Variants in TEK observed in about 807,000 individuals in gnomAD.
TEK encodes TEK receptor tyrosine kinase, also known as angiopoietin-1 receptor.
TEK carries 43 observed loss-of-function variants against 131.8 expected under a neutral mutation model. That is an observed-to-expected ratio of 0.33 (90% confidence interval 0.26 to 0.42). The LOEUF (loss-of-function observed/expected upper bound fraction) is 0.42, where lower values mean the gene tolerates loss of function less well. Ranked by LOEUF, TEK falls within the 10% of genes least tolerant of loss-of-function variation. The pLI is 1.00. For missense variants in TEK, 1,162 were observed against 1,384.4 expected, an observed-to-expected ratio of 0.84 and a Z score of 2.55; for synonymous variants, 580 against 491.6, an observed-to-expected ratio of 1.18 and a Z score of -2.38.
At chr9:27,159,074 T>G (rs556997313) in intron 2 of TEK, among the ~76,000 whole-genome samples, 164 of 152,320 alleles carry the variant, frequency 1.1e-3, no homozygotes, top group African/African-American at 3.8e-3. Flanking sequence ...GTTGATTAGA[T>G]GGATGTATTG....
At chr9:27,223,067 GCTAA>G (rs529177263) in intron 21 of TEK, among the ~76,000 whole-genome samples, 13 of 152,222 alleles carry the variant, frequency 8.5e-5, no homozygotes, top group East Asian at 1.9e-4. Flanking sequence ...ACCAAGAACA[GCTAA>G]CTAACTATCT....
intron 13 of TEK, among the ~76,000 whole-genome samples, chr9:27,203,658 A>G (rs931801807): frequency 9.9e-5 from 15 of 152,174 alleles, no homozygotes; most frequent in African/African-American, 3.6e-4. Context: ...TGTGATTGAT[A>G]AAGTCTGTTG....
chr9:27,215,127 G>C (rs762262727), intron 18 of TEK, among the ~76,000 whole-genome samples: 1 of 152,128 alleles, frequency 6.6e-6, no homozygotes, highest in African/African-American at 2.4e-5. Context: ...CATTCTATTT[G>C]GATGCTCTCC....
At chr9:27,133,316 A>G (rs558754640) in intron 1 of TEK, among the ~76,000 whole-genome samples, 1 of 152,308 alleles carries the variant, frequency 6.6e-6, no homozygotes, top group South Asian at 2.1e-4. Context: ...AATAGTTGGA[A>G]AGGTCTAAGA....
At chr9:27,214,643 A>C (rs889573093) in intron 18 of TEK, among the ~76,000 whole-genome samples, 2 of 152,160 alleles carry the variant, frequency 1.3e-5, no homozygotes, top group African/African-American at 2.4e-5. Context: ...CCACCTTGGC[A>C]TATATATTTT....
At position 27,185,621 on chromosome 9, in the gene TEK, C is replaced by A. The variant is rs1217204389; in HGVS notation, c.1319C>A (p.Ser440Tyr). The stretch of plus-strand genomic sequence containing the variant: ...ATGGTGGAAAAGCCCTTCAACATTT[C>A]TGTTAAAGGTAAGTTCATTTCCCAG... ...AGMVEKPFNISVKVLPKPLNA... is the reference protein window; with the variant it reads ...AGMVEKPFNIYVKVLPKPLNA... Residue 440 changes from serine to tyrosine, a missense_variant, in exon 9 of 23, where the codon TCT (serine) becomes TAT (tyrosine). Physicochemically the swap from Ser to Tyr is moderately radical, Grantham distance 144 (BLOSUM62 -2). This residue lies in a region of TEK where 477 missense variants were observed against 471.0 expected (regional missense o/e 1.01). Coordinates refer to ENST00000380036, the MANE Select transcript of TEK (RefSeq NM_000459.5). The A allele has an allele frequency of 6.2e-7, 1 of 1,613,608 alleles. No individual in the cohort carries two copies.
chr9:27,229,529 A>G lies in TEK; in HGVS notation c.*297A>G, dbSNP rs1587066676. 2.3e-6 allele frequency: 1 copy of G among 430,886 alleles called. No individual in the cohort carries two copies. Among genetic ancestry groups the G allele is most frequent in the East Asian group, 4.6e-5 (1 of 21,634 alleles). The allele number at this position is 430,886 out of a possible 1,614,324, so 26.7% of individuals were successfully genotyped here. ...GACTTCATAGGAAGGCGTGAGTACA[A>G]TTAGTATAATGCATAACTCATTGTT... On this transcript the variant is annotated 3_prime_UTR_variant, in exon 23 of 23. Transcript: ENST00000380036.
At chr9:27,167,871 TC>T (rs199511744) in intron 2 of TEK, among the ~76,000 whole-genome samples, 1,642 of 151,864 alleles carry the variant, frequency 0.011, 25 homozygotes, top group African/African-American at 0.036. Context: ...GTTTTTTTTT[TC>T]CCACTTTAAG....
chr9:27,152,597 C>CT (rs1564062855), intron 1 of TEK, among the ~76,000 whole-genome samples: 1 of 136,692 alleles, frequency 7.3e-6, no homozygotes, highest in South Asian at 3.0e-4. Context: ...GAAGCCCCCC[C>CT]GCCGCAAAAA....
At chr9:27,224,089 G>C (rs1304351806) in intron 21 of TEK, among the ~76,000 whole-genome samples, 1 of 152,132 alleles carries the variant, frequency 6.6e-6, no homozygotes, top group Non-Finnish European at 1.5e-5. Flanking sequence ...TCGAAGACCA[G>C]TAACAAGTTC....
intron 1 of TEK, among the ~76,000 whole-genome samples, chr9:27,113,828 C>T (rs187640057): frequency 1.1e-4 from 17 of 152,278 alleles, no homozygotes; most frequent in African/African-American, 3.6e-4. Flanking sequence ...CCCATCTACC[C>T]TCCCCTCACT....
chr9:27,184,316 CAG>C (rs1416961982), intron 8 of TEK, among the ~76,000 whole-genome samples: 1 of 152,158 alleles, frequency 6.6e-6, no homozygotes, highest in African/African-American at 2.4e-5. Context: ...CCAAATGCAG[CAG>C]AGACAGGAGC....
chr9:27,125,454 A>G (rs2131050102), intron 1 of TEK, among the ~76,000 whole-genome samples: 2 of 152,302 alleles, frequency 1.3e-5, no homozygotes, highest in South Asian at 4.1e-4. Flanking sequence ...CTTCTATTAG[A>G]GGCCCCCTTT....
At chr9:27,200,509 A>C (rs925568120) in intron 12 of TEK, among the ~76,000 whole-genome samples, 1 of 152,212 alleles carries the variant, frequency 6.6e-6, no homozygotes, top group Non-Finnish European at 1.5e-5. Context: ...TTGGCAGGGT[A>C]GGAGTTGATC....
intron 12 of TEK, among the ~76,000 whole-genome samples, chr9:27,197,837 G>C (rs1281139772): frequency 6.6e-6 from 1 of 152,136 alleles, no homozygotes; most frequent in Non-Finnish European, 1.5e-5. Context: ...GTGTGCAGTT[G>C]TTTATTTAGT....
At chr9:27,118,965 A>G (rs553329217) in intron 1 of TEK, among the ~76,000 whole-genome samples, 2 of 152,374 alleles carry the variant, frequency 1.3e-5, no homozygotes, top group Admixed American at 1.3e-4. Flanking sequence ...AATGAGGCCA[A>G]TAACAAAAGA....
At chr9:27,119,888 TGC>T (rs1821714447) in intron 1 of TEK, among the ~76,000 whole-genome samples, 1 of 84,344 alleles carries the variant, frequency 1.2e-5, no homozygotes, top group Non-Finnish European at 2.7e-5. Context: ...TGTGTGCACA[TGC>T]GTGTGTGTGT....
intron 1 of TEK, among the ~76,000 whole-genome samples, chr9:27,151,277 T>G (rs7019585): frequency 0.015 from 2,334 of 152,206 alleles, 67 homozygotes; most frequent in African/African-American, 0.054. Flanking sequence ...GATTTCTTCA[T>G]GGGAGACAAG....
At chr9:27,221,986 A>G (rs772883941) in intron 21 of TEK, among the ~76,000 whole-genome samples, 13 of 152,318 alleles carry the variant, frequency 8.5e-5, no homozygotes, top group Non-Finnish European at 1.5e-4. Flanking sequence ...GAAGCTAAGA[A>G]CGTTGAAAAA....
Sources: allele counts gnomAD v4.1 joint callset (sites outside exome capture counted in the v4.1 genomes callset), GRCh38; gene constraint gnomAD v4.1.1; regional missense constraint gnomAD v4.1.1; transcripts MANE v1.5; gene names NCBI Gene and HGNC (gene_info 2026-07-23, HGNC 2026-07-21).